NOTCH2: variants seen among roughly 807,000 people sequenced by gnomAD.
NOTCH2 encodes notch receptor 2.
In NOTCH2, 29 loss-of-function variants were observed where a neutral mutation model predicts 235.8. The ratio of observed to expected loss-of-function variants is 0.12; its 90% confidence interval spans 0.09 to 0.17. NOTCH2 has a LOEUF of 0.17. NOTCH2 is among the 10% of genes least tolerant of loss of function. The pLI, the probability that NOTCH2 is intolerant of heterozygous loss-of-function variation, is 1.00. For synonymous variants in NOTCH2, 1,086 were observed against 1,141.5 expected (o/e 0.95, Z 0.98); for missense variants, 2,285 against 3,150.2 (o/e 0.73, Z 6.57).
chr1:119,968,320 C>T, intron 6 of NOTCH2, 88 bp from the exon 7 acceptor site: 2 of 1,346,240 alleles, frequency 1.5e-6, no homozygotes, highest in South Asian at 1.2e-5. Flanking sequence ...GGGAAAACCT[C>T]ATGATCAGTT....
intron 5 of NOTCH2, among the ~76,000 whole-genome samples, chr1:119,974,103 C>A (rs587740338): frequency 6.6e-6 from 1 of 151,960 alleles, no homozygotes; most frequent in Non-Finnish European, 1.5e-5. Flanking sequence ...TATAGGCTAC[C>A]TAGCAAATAA....
intron 1 of NOTCH2, among the ~76,000 whole-genome samples, chr1:120,067,233 C>A (rs1449802323): frequency 7.0e-6 from 1 of 142,518 alleles, no homozygotes; most frequent in African/African-American, 2.9e-5. Flanking sequence ...AAGATTTGTA[C>A]CGAGAAACGG....
chr1:119,974,073 A>G (rs1651470041), intron 5 of NOTCH2, among the ~76,000 whole-genome samples: 1 of 152,240 alleles, frequency 6.6e-6, no homozygotes. Context: ...TAGTAGGGAA[A>G]GCAGGAGAGA....
intron 25 of NOTCH2, among the ~76,000 whole-genome samples, chr1:119,924,891 CTT>C (rs777720240): frequency 2.6e-5 from 4 of 152,180 alleles, no homozygotes; most frequent in Non-Finnish European, 5.9e-5. Flanking sequence ...GGTTCACAGA[CTT>C]AATCTAATTC....
chr1:119,937,024 C>A (rs1416415341), intron 21 of NOTCH2, among the ~76,000 whole-genome samples: 1 of 152,156 alleles, frequency 6.6e-6, no homozygotes, highest in African/African-American at 2.4e-5. Context: ...CTGGTAGTGA[C>A]TCTTGGCTCT....
At chr1:120,021,232 T>G (rs587695692) in intron 2 of NOTCH2, among the ~76,000 whole-genome samples, 1 of 111,568 alleles carries the variant, frequency 9.0e-6, no homozygotes, top group South Asian at 3.0e-4. Flanking sequence ...AAAAGAAATA[T>G]GAAAACAAAA....
chr1:119,966,618 T>A, intron 8 of NOTCH2, 129 bp from the exon 9 acceptor site: 2 of 724,422 alleles, frequency 2.8e-6, no homozygotes, highest in Non-Finnish European at 5.0e-6. Context: ...AAAAAGGAAC[T>A]CTGCCATGAT....
intron 17 of NOTCH2, among the ~76,000 whole-genome samples, chr1:119,947,890 T>C (rs1319137093): frequency 6.6e-6 from 1 of 152,204 alleles, no homozygotes; most frequent in African/African-American, 2.4e-5. Flanking sequence ...TCTCCTGACT[T>C]ATGCTTATCT....
chr1:119,972,229 A>C (rs142462659), intron 5 of NOTCH2, among the ~76,000 whole-genome samples: 2 of 152,294 alleles, frequency 1.3e-5, no homozygotes, highest in African/African-American at 4.8e-5. Context: ...CCCTCAGGGT[A>C]GATGATGTCA....
At position 119,930,958 on chromosome 1, in the gene NOTCH2, C is replaced by G. The variant is rs587658295; in HGVS notation, c.3656-1746G>C. ...CTAAAAAATACAAAAAAAAAATTAG[C>G]CAGGCATGGTGGCGGGCGCTTGTAG... On this transcript the variant is annotated intron_variant, in intron 22 of 33. Coordinates refer to ENST00000256646, the MANE Select transcript of NOTCH2 (RefSeq NM_024408.4). Among the ~76,000 whole-genome samples the G allele has an allele frequency of 1.2e-4, 18 of 151,388 alleles. No homozygotes were observed. In the South Asian group the frequency reaches 3.6e-3, roughly 30 times the overall value.
chr1:120,068,880 G>A (rs1302089279), intron 1 of NOTCH2: 12 of 718,638 alleles, frequency 1.7e-5, no homozygotes, highest in East Asian at 4.3e-5. Context: ...GGCTGGCTGC[G>A]ACGGTGCAGG....
intron 17 of NOTCH2, among the ~76,000 whole-genome samples, chr1:119,942,873 CTTTTTTTTT>C (rs587671333): frequency 7.8e-6 from 1 of 128,800 alleles, no homozygotes; most frequent in South Asian, 2.5e-4. Context: ...GTCCATATGT[CTTTTTTTTT>C]TTTTTTTTTT....
chr1:120,010,440 C>G (rs1653142932), intron 2 of NOTCH2, among the ~76,000 whole-genome samples: 1 of 152,032 alleles, frequency 6.6e-6, no homozygotes, highest in South Asian at 2.1e-4. Context: ...TTAATAAATG[C>G]TTGGAGTTAT....
intron 23 of NOTCH2, among the ~76,000 whole-genome samples, chr1:119,928,676 AT>A (rs1347505419): frequency 1.3e-5 from 2 of 152,224 alleles, no homozygotes; most frequent in Non-Finnish European, 2.9e-5. Context: ...TTTTGCCACT[AT>A]TAAAAAATGT....
intron 12 of NOTCH2, among the ~76,000 whole-genome samples, chr1:119,956,494 A>G (rs1650707169): frequency 6.6e-6 from 1 of 152,142 alleles, no homozygotes; most frequent in African/African-American, 2.4e-5. Context: ...CTAAACCATC[A>G]TTGGTGGTTC....
chr1:119,944,611 A>G (rs1012232466), intron 17 of NOTCH2, among the ~76,000 whole-genome samples: 12 of 151,876 alleles, frequency 7.9e-5, no homozygotes, highest in Admixed American at 1.3e-4. Flanking sequence ...TGGAAAGAGG[A>G]TATCTTAAAA....
At chr1:119,919,777 A>T (rs1483809422) in intron 30 of NOTCH2, among the ~76,000 whole-genome samples, 164 bp from the exon 31 acceptor site, 1 of 152,216 alleles carries the variant, frequency 6.6e-6, no homozygotes, top group Non-Finnish European at 1.5e-5. Flanking sequence ...TTTTCCTCTG[A>T]TAGTATCATT....
intron 14 of NOTCH2, among the ~76,000 whole-genome samples, 191 bp downstream of exon 14, chr1:119,953,352 C>T (rs1056750366): frequency 6.6e-6 from 1 of 152,104 alleles, no homozygotes; most frequent in Non-Finnish European, 1.5e-5. Flanking sequence ...GGTCACCTCT[C>T]TGCTAGGCTG....
chr1:120,024,717 G>A (rs1477055970), intron 2 of NOTCH2, among the ~76,000 whole-genome samples: 2 of 152,170 alleles, frequency 1.3e-5, no homozygotes, highest in African/African-American at 4.8e-5. Context: ...TCAAATGCAA[G>A]CACCCATCTA....
Sources: allele counts gnomAD v4.1 joint callset (sites outside exome capture counted in the v4.1 genomes callset), GRCh38; gene constraint gnomAD v4.1.1; transcripts MANE v1.5; gene names NCBI Gene and HGNC (gene_info 2026-07-23, HGNC 2026-07-21).